The following DRC11 variants were observed in gnomAD, a reference collection of about 807,000 sequenced individuals.
DRC11 encodes the protein dynein regulatory complex subunit 11.
the DRC11 span, among the ~76,000 whole-genome samples, chr2:236,459,540 C>CGTATAT: frequency 4.1e-5 from 3 of 73,862 alleles, no homozygotes; most frequent in African/African-American, 1.0e-4. Flanking sequence ...TATACGTATA[C>CGTATAT]GTATACGTAT....
chr2:236,427,001 T>C, the DRC11 span, among the ~76,000 whole-genome samples: 1 of 152,252 alleles, frequency 6.6e-6, no homozygotes, highest in Non-Finnish European at 1.5e-5. The surrounding 1 kb of genome is among the most constrained non-coding windows in gnomAD (Gnocchi z 5.9). Context: ...GTTTTGAATT[T>C]TGCCAAATAC....
At chr2:236,360,168 A>C in the DRC11 span, among the ~76,000 whole-genome samples, 1 of 152,172 alleles carries the variant, frequency 6.6e-6, no homozygotes, top group Non-Finnish European at 1.5e-5. This position sits in a 1 kb window ranked among gnomAD's most constrained non-coding sequence, Gnocchi z 5.8. Flanking sequence ...TGGATACTTA[A>C]TTCAGCCATT....
At chr2:236,356,676 C>T in the DRC11 span, among the ~76,000 whole-genome samples, 4 of 151,788 alleles carry the variant, frequency 2.6e-5, no homozygotes, top group Admixed American at 6.6e-5. Flanking sequence ...ATGTGTAAAA[C>T]GCCTTAGCAT....
At chr2:236,364,546 C>T in the DRC11 span, among the ~76,000 whole-genome samples, 25 of 152,212 alleles carry the variant, frequency 1.6e-4, no homozygotes, top group African/African-American at 5.8e-4. Flanking sequence ...GTTAACCTGA[C>T]GCTTGATAAT....
At chr2:236,436,857 C>G in the DRC11 span, among the ~76,000 whole-genome samples, 1 of 152,168 alleles carries the variant, frequency 6.6e-6, no homozygotes, top group Admixed American at 6.5e-5. Flanking sequence ...TATTCATTTT[C>G]CAACATTGTG....
chr2:236,328,625 T>C, the DRC11 span, among the ~76,000 whole-genome samples: 1,201 of 152,306 alleles, frequency 7.9e-3, 16 homozygotes, highest in African/African-American at 0.027. This position sits in a 1 kb window ranked among gnomAD's most constrained non-coding sequence, Gnocchi z 6.7. Flanking sequence ...CTTTGAGATG[T>C]ACCTCTCTGT....
At chr2:236,372,409 T>C in the DRC11 span, among the ~76,000 whole-genome samples, 8 of 152,348 alleles carry the variant, frequency 5.3e-5, no homozygotes, top group African/African-American at 1.9e-4. The surrounding 1 kb of genome is among the most constrained non-coding windows in gnomAD (Gnocchi z 4.5). Context: ...ATTCAGAAGA[T>C]TCTGATATTA....
chr2:236,462,443 G>A, the DRC11 span, among the ~76,000 whole-genome samples: 6 of 152,140 alleles, frequency 3.9e-5, no homozygotes, highest in East Asian at 1.9e-4. The surrounding 1 kb of genome is among the most constrained non-coding windows in gnomAD (Gnocchi z 6.4). Context: ...AGGTCGAGGC[G>A]GGTGGATCAC....
chr2:236,450,565 G>A, the DRC11 span, among the ~76,000 whole-genome samples: 35 of 152,020 alleles, frequency 2.3e-4, no homozygotes, highest in East Asian at 7.8e-4. Context: ...TGACTCACCC[G>A]CCTCAGCCTC....
chr2:236,456,679 C>A, the DRC11 span, among the ~76,000 whole-genome samples: 2 of 152,196 alleles, frequency 1.3e-5, no homozygotes, highest in Non-Finnish European at 2.9e-5. This position sits in a 1 kb window ranked among gnomAD's most constrained non-coding sequence, Gnocchi z 5.4. Flanking sequence ...ACTAGCAATG[C>A]CCCTCGGCCA....
the DRC11 span, among the ~76,000 whole-genome samples, chr2:236,366,459 C>A: frequency 6.6e-6 from 1 of 152,222 alleles, no homozygotes; most frequent in Non-Finnish European, 1.5e-5. Flanking sequence ...ACTGTGCACA[C>A]AATTCATCTG....
chr2:236,425,176 C>G, the DRC11 span, among the ~76,000 whole-genome samples: 18 of 152,120 alleles, frequency 1.2e-4, no homozygotes, highest in Admixed American at 1.2e-3. Context: ...TGGATACATA[C>G]TCAGTAGTGG....
chr2:236,487,478 T>A, the DRC11 span, among the ~76,000 whole-genome samples: 1 of 152,132 alleles, frequency 6.6e-6, no homozygotes, highest in South Asian at 2.1e-4. Flanking sequence ...ATCTGCTGTG[T>A]TTCCCTGTAA....
At chr2:236,417,222 T>C in the DRC11 span, among the ~76,000 whole-genome samples, 14 of 152,272 alleles carry the variant, frequency 9.2e-5, no homozygotes, top group East Asian at 2.5e-3. Context: ...TTGGGTGCTG[T>C]GATTTTATGT....
the DRC11 span, among the ~76,000 whole-genome samples, chr2:236,415,372 C>T: frequency 1.3e-5 from 2 of 152,138 alleles, no homozygotes; most frequent in African/African-American, 4.8e-5. This position sits in a 1 kb window ranked among gnomAD's most constrained non-coding sequence, Gnocchi z 5.7. Flanking sequence ...TCTCCCTTGC[C>T]CTCTAACCAT....
chr2:236,496,097 T>C, the DRC11 span, among the ~76,000 whole-genome samples: 4 of 151,642 alleles, frequency 2.6e-5, no homozygotes, highest in South Asian at 8.3e-4. The surrounding 1 kb of genome is among the most constrained non-coding windows in gnomAD (Gnocchi z 6.3). Flanking sequence ...TTAATAACTA[T>C]TTGTTTCACA....
the DRC11 span, among the ~76,000 whole-genome samples, chr2:236,441,701 A>C: frequency 6.6e-6 from 1 of 152,152 alleles, no homozygotes; most frequent in African/African-American, 2.4e-5. Flanking sequence ...TTCTTAAAAG[A>C]AGTTGACTTT....
the DRC11 span, chr2:236,441,072 C>T: frequency 6.4e-7 from 1 of 1,560,912 alleles, no homozygotes; most frequent in Non-Finnish European, 8.7e-7. Flanking sequence ...AAAATAATAG[C>T]TGACCCTCCT....
chr2:236,327,398 C>G, the DRC11 span, among the ~76,000 whole-genome samples: 1 of 151,704 alleles, frequency 6.6e-6, no homozygotes, highest in South Asian at 2.1e-4. Flanking sequence ...ACGTGCACCA[C>G]CATACCTGGC....
Sources: allele counts gnomAD v4.1 joint callset (sites outside exome capture counted in the v4.1 genomes callset), GRCh38; gene constraint gnomAD v4.1.1; non-coding constraint Gnocchi (gnomAD v3.1); transcripts MANE v1.5; gene names NCBI Gene and HGNC (gene_info 2026-07-23, HGNC 2026-07-21).